The following MACROD2 variants were observed in gnomAD, a reference collection of about 807,000 sequenced individuals.
MACROD2 encodes mono-ADP ribosylhydrolase 2.
In MACROD2, 36 loss-of-function variants were observed where a neutral mutation model predicts 70.4. That is an observed-to-expected ratio of 0.51 (90% CI 0.39 to 0.68). The LOEUF is 0.68. MACROD2 is among the 30% of genes least tolerant of loss of function. MACROD2 has a pLI of 0.00. For synonymous variants in MACROD2, 172 were observed against 178.8 expected (o/e 0.96, Z 0.30); for missense variants, 496 against 538.4 (o/e 0.92, Z 0.78).
intron 4 of MACROD2, among the ~76,000 whole-genome samples, chr20:14,503,036 G>A (rs1297570566): frequency 6.6e-6 from 1 of 152,154 alleles, no homozygotes; most frequent in African/African-American, 2.4e-5. Flanking sequence ...TAGTCTTCAG[G>A]ACAGGACACG....
intron 6 of MACROD2, among the ~76,000 whole-genome samples, chr20:15,381,217 G>C (rs6110584): frequency 0.022 from 3,267 of 151,624 alleles, 104 homozygotes; most frequent in African/African-American, 0.071. Context: ...ATTATTTTTA[G>C]AGAGCTCTTT....
intron 3 of MACROD2, among the ~76,000 whole-genome samples, chr20:14,468,036 G>T (rs2084478202): frequency 6.6e-6 from 1 of 151,938 alleles, no homozygotes; most frequent in African/African-American, 2.4e-5. Context: ...CCAATAATGT[G>T]GTCAATTTTA....
At position 14,515,469 on chromosome 20, in the gene MACROD2, A is replaced by ACACGCGCGCGCGCGCG. The variant is rs759399680; in HGVS notation, c.301+21964_301+21965insGCGCGCGCGCGCGCAC. Among the ~76,000 whole-genome samples, 234 of 143,718 alleles carry ACACGCGCGCGCGCGCG rather than the reference A, an allele frequency of 1.6e-3. 1 individual carries two copies. Among genetic ancestry groups the ACACGCGCGCGCGCGCG allele is most frequent in the African/African-American group, 5.9e-3 (222 of 37,666 alleles). The allele number at this position is 143,718 out of a possible 152,430, so 94.3% of individuals were successfully genotyped here. ...ATATGTGAGATACACACACACGCAC[A>ACACGCGCGCGCGCGCG]CACACACACACACACACACACACAC... is the stretch of plus-strand genomic sequence containing the variant. On this transcript the variant is annotated intron_variant, in intron 4 of 17. Coordinates refer to ENST00000684519, the MANE Select transcript of MACROD2 (RefSeq NM_001351661.2).
intron 3 of MACROD2, among the ~76,000 whole-genome samples, chr20:14,375,546 T>C (rs913722632): frequency 2.0e-5 from 3 of 151,942 alleles, no homozygotes; most frequent in African/African-American, 7.3e-5. Flanking sequence ...CTGGGAGGTG[T>C]TATTATGGAA....
chr20:14,976,276 T>G (rs1858803766), intron 5 of MACROD2, among the ~76,000 whole-genome samples: 1 of 152,170 alleles, frequency 6.6e-6, no homozygotes, highest in Non-Finnish European at 1.5e-5. Context: ...GGTGAGGTGT[T>G]GGTGGTGCTG....
intron 3 of MACROD2, among the ~76,000 whole-genome samples, chr20:14,155,155 C>T (rs750488421): frequency 5.9e-5 from 9 of 152,044 alleles, no homozygotes; most frequent in Non-Finnish European, 1.3e-4. Flanking sequence ...TGTATATATA[C>T]ACACATATAT....
At chr20:15,252,818 C>T (rs77395402) in intron 6 of MACROD2, among the ~76,000 whole-genome samples, 4,192 of 152,246 alleles carry the variant, frequency 0.028, 88 homozygotes, top group Non-Finnish European at 0.041. Flanking sequence ...AATTTGTGGA[C>T]ACACCATGGC....
chr20:15,383,619 G>T (rs1287750985), intron 6 of MACROD2, among the ~76,000 whole-genome samples: 1 of 152,160 alleles, frequency 6.6e-6, no homozygotes. Context: ...TCAAACAATT[G>T]CATTTCCTTC....
intron 2 of MACROD2, among the ~76,000 whole-genome samples, chr20:14,005,516 C>T (rs1007225889): frequency 1.2e-4 from 19 of 152,002 alleles, no homozygotes; most frequent in African/African-American, 4.6e-4. Context: ...TGGAATGGTG[C>T]CTTATGGGTT....
chr20:14,515,230 C>A (rs420299), intron 4 of MACROD2, among the ~76,000 whole-genome samples: 124,561 of 151,890 alleles, frequency 0.82, 51,480 homozygotes, highest in East Asian at 1. Flanking sequence ...GTGCAAAAAT[C>A]GAAAAAAATC....
rs3045609 is a variant in MACROD2, at chr20:14,789,460, A to ATTTTTTTTTTTTTTTTTTTT, written c.418+104514_418+104533dup. Among the ~76,000 whole-genome samples the ATTTTTTTTTTTTTTTTTTTT allele has an allele frequency of 1.4e-4, 7 of 48,356 alleles. 1 individual carries two copies. Among genetic ancestry groups the ATTTTTTTTTTTTTTTTTTTT allele is most frequent in the Non-Finnish European group, 1.8e-4 (5 of 27,712 alleles). 31.7% of individuals were successfully genotyped at this position (48,356 alleles called of 152,430 possible). Reference sequence around the variant, plus strand: ...CTTGTGGATTAATCAGGTAGTGCAAATTTTTTTTTTTTTTTTTTTTTTTTT... The same window carrying ATTTTTTTTTTTTTTTTTTTT: ...CTTGTGGATTAATCAGGTAGTGCAAATTTTTTTTTTTTTTTTTTTTTTTTTTTTTTTTTTTTTTTTTTTTT... On this transcript the variant is annotated intron_variant, in intron 5 of 17. Transcript: ENST00000684519.
intron 2 of MACROD2, among the ~76,000 whole-genome samples, chr20:14,012,993 G>C (rs1395707513): frequency 2.0e-5 from 3 of 152,120 alleles, no homozygotes; most frequent in African/African-American, 7.2e-5. Flanking sequence ...ATCTATAAGT[G>C]TGTGCATAAG....
At chr20:14,971,364 T>C (rs1404965450) in intron 5 of MACROD2, among the ~76,000 whole-genome samples, 1 of 151,950 alleles carries the variant, frequency 6.6e-6, no homozygotes, top group Admixed American at 6.6e-5. Context: ...GAGGGCTGAT[T>C]GTATGATGGA....
chr20:14,959,165 CTTG>C (rs2074562121), intron 5 of MACROD2, among the ~76,000 whole-genome samples: 1 of 152,098 alleles, frequency 6.6e-6, no homozygotes, highest in Admixed American at 6.5e-5. Context: ...GAGTTTCGCT[CTTG>C]TTGCCCAGGC....
chr20:15,221,282 C>T (rs1244853029), intron 5 of MACROD2, among the ~76,000 whole-genome samples: 1 of 152,126 alleles, frequency 6.6e-6, no homozygotes. Context: ...CTATTTGGAC[C>T]TTCACCTCCT....
chr20:15,850,901 T>C (rs140687877), intron 8 of MACROD2, among the ~76,000 whole-genome samples: 2 of 152,264 alleles, frequency 1.3e-5, no homozygotes, highest in Non-Finnish European at 2.9e-5. Context: ...TCCTGACTTC[T>C]TACCACTGGT....
intron 4 of MACROD2, among the ~76,000 whole-genome samples, chr20:14,617,152 A>G (rs982778914): frequency 2.6e-5 from 4 of 152,118 alleles, no homozygotes; most frequent in African/African-American, 7.2e-5. Flanking sequence ...TCTCTTGGCT[A>G]TGATTAGAAC....
intron 5 of MACROD2, among the ~76,000 whole-genome samples, chr20:15,120,605 T>G (rs1180864609): frequency 6.6e-6 from 1 of 152,234 alleles, no homozygotes; most frequent in African/African-American, 2.4e-5. Flanking sequence ...GTCATTTTTG[T>G]TCTATACACA....
intron 12 of MACROD2, among the ~76,000 whole-genome samples, chr20:15,948,773 A>C (rs975952375): frequency 2.6e-5 from 4 of 152,186 alleles, no homozygotes; most frequent in Non-Finnish European, 4.4e-5. Context: ...TTTAATATGC[A>C]TATATTACTT....
Sources: allele counts gnomAD v4.1 joint callset (sites outside exome capture counted in the v4.1 genomes callset), GRCh38; gene constraint gnomAD v4.1.1; transcripts MANE v1.5; gene names NCBI Gene and HGNC (gene_info 2026-07-23, HGNC 2026-07-21).